The following WDR59 variants were observed in gnomAD, a reference collection of about 807,000 sequenced individuals.
WDR59 encodes the protein GATOR2 complex protein WDR59.
Under a neutral mutation model 131.2 loss-of-function variants are expected in WDR59, and 100 were observed. The observed-to-expected ratio is 0.76, with a 90% CI of 0.65 to 0.90. The LOEUF (loss-of-function observed/expected upper bound fraction) is 0.90, where lower values mean the gene tolerates loss of function less well. Among genes scored for constraint, WDR59 ranks in the 40% least tolerant of loss-of-function variants. WDR59 has a pLI of 0.00. For missense variants in WDR59, 1,203 were observed against 1,262.2 expected, an observed-to-expected ratio of 0.95 and a Z score of 0.71; for synonymous variants, 601 against 466.2, an observed-to-expected ratio of 1.29 and a Z score of -3.72.
chr16:74,950,291 C>T (rs190999190), intron 4 of WDR59, among the ~76,000 whole-genome samples: 92 of 152,310 alleles, frequency 6.0e-4, no homozygotes, highest in African/African-American at 2.2e-3. Context: ...CGTGCCACTG[C>T]ACTCCAGCCT....
intron 15 of WDR59, 71 bp downstream of exon 15, chr16:74,909,751 T>A: frequency 6.4e-7 from 1 of 1,573,682 alleles, no homozygotes; most frequent in Non-Finnish European, 8.6e-7. Context: ...AGAAAACCCA[T>A]GATTTTAGGG....
chr16:74,943,488 C>T (rs968607758), intron 6 of WDR59, among the ~76,000 whole-genome samples: 1 of 152,148 alleles, frequency 6.6e-6, no homozygotes, highest in Non-Finnish European at 1.5e-5. Context: ...GTCATTGATA[C>T]ATTAGTGACA....
At chr16:74,902,856 A>G (rs565540647) in intron 18 of WDR59, among the ~76,000 whole-genome samples, 1 of 152,270 alleles carries the variant, frequency 6.6e-6, no homozygotes, top group South Asian at 2.1e-4. Context: ...GGAGGTCTGT[A>G]CTAGCCAAGT....
chr16:74,934,819 T>C (rs958353018), intron 8 of WDR59, among the ~76,000 whole-genome samples: 5 of 151,794 alleles, frequency 3.3e-5, no homozygotes, highest in Admixed American at 1.3e-4. Flanking sequence ...CATATCTATA[T>C]AGACAAAGAG....
chr16:74,904,033 G>T lies in WDR59; in HGVS notation c.1780C>A (p.Pro594Thr). 1 of 1,613,142 alleles carries T rather than the reference G, an allele frequency of 6.2e-7. No individual in the cohort carries two copies. Among genetic ancestry groups the T allele is most frequent in the Non-Finnish European group, 8.5e-7 (1 of 1,179,764 alleles). The change falls in exon 18 of 26, where the codon CCT becomes ACT. Residue 594 changes from proline (P) to threonine (T), a missense_variant. By Grantham distance (38) the Pro-to-Thr change is conservative (BLOSUM62 -1). Transcript: ENST00000262144. The stretch of plus-strand genomic sequence containing the variant: ...CCACTGTATAAACGAAGGTTCCCAG[G>T]GGCCTCTGTGCGGATCTTCATGGGC... The part of the protein sequence containing the change: ...IAPMKIRTEA[P>T]GNLRLYSGSP...
rs762288713 is a variant in WDR59, at chr16:74,906,313, C to CAAAAAAAAAAAAAAAAAA, written c.1713-2214_1713-2213insTTTTTTTTTTTTTTTTTT. ...TGAGCGACAGAGCAAGACTCCGTCT[C>CAAAAAAAAAAAAAAAAAA]AAAAAAAAAAAAACCCACAGTGAGA... On this transcript the variant is annotated intron_variant, in intron 17 of 25. Coordinates refer to ENST00000262144, the MANE Select transcript of WDR59 (RefSeq NM_030581.4). Among the ~76,000 whole-genome samples the CAAAAAAAAAAAAAAAAAA allele has an allele frequency of 3.3e-3, 108 of 32,438 alleles. 15 individuals are homozygous for CAAAAAAAAAAAAAAAAAA. Among genetic ancestry groups the CAAAAAAAAAAAAAAAAAA allele is most frequent in the East Asian group, 0.011 (5 of 454 alleles). The allele number at this position is 32,438 out of a possible 152,430, so 21.3% of individuals were successfully genotyped here.
intron 1 of WDR59, among the ~76,000 whole-genome samples, chr16:74,967,123 C>T (rs1567439353): frequency 1.3e-5 from 2 of 152,194 alleles, no homozygotes; most frequent in Admixed American, 6.6e-5. Context: ...CCCTCACCCT[C>T]GCTGGCCTTA....
chr16:74,873,964 AC>A lies in WDR59; in HGVS notation c.*244del, dbSNP rs1406311478. 9.8e-6 allele frequency: 5 copies of A among 512,240 alleles called. No homozygotes were observed. The highest frequency in any genetic ancestry group is 1.8e-5 in the Non-Finnish European group (5 of 284,494). The allele number at this position is 512,240 out of a possible 1,614,324, so 31.7% of individuals were successfully genotyped here. A position where few individuals can be genotyped will look rare whatever the true frequency, so the allele number is the denominator to read the frequency against. On this transcript the variant is annotated 3_prime_UTR_variant, in exon 26 of 26. Transcript: ENST00000262144. ...CACCTTGGTAGCTCAGCCGACATAG[AC>A]AACACACAAAGCGCAGCTCTGCACT...
At chr16:74,944,229 G>A (rs1055247573) in intron 6 of WDR59, among the ~76,000 whole-genome samples, 1 of 152,078 alleles carries the variant, frequency 6.6e-6, no homozygotes, top group Non-Finnish European at 1.5e-5. Flanking sequence ...ACTTTGGAAG[G>A]CTGAGACAGG....
chr16:74,916,478 C>A (rs937159259), intron 11 of WDR59, among the ~76,000 whole-genome samples: 13 of 152,102 alleles, frequency 8.5e-5, no homozygotes, highest in African/African-American at 2.9e-4. Flanking sequence ...ATTTTTTCAT[C>A]ATGTTCAGAG....
chr16:74,963,824 G>C (rs545012933), intron 2 of WDR59, among the ~76,000 whole-genome samples: 1 of 151,924 alleles, frequency 6.6e-6, no homozygotes, highest in Non-Finnish European at 1.5e-5. Context: ...TTGAGTCTGG[G>C]ATGTCAAGGC....
At chr16:74,972,018 C>A (rs970234296) in intron 1 of WDR59, among the ~76,000 whole-genome samples, 1 of 152,152 alleles carries the variant, frequency 6.6e-6, no homozygotes, top group African/African-American at 2.4e-5. Flanking sequence ...CAAACTCTTG[C>A]TTTTCCATAC....
At chr16:74,918,331 A>C (rs1966491134) in intron 10 of WDR59, among the ~76,000 whole-genome samples, 2 of 152,252 alleles carry the variant, frequency 1.3e-5, no homozygotes, top group Non-Finnish European at 2.9e-5. Flanking sequence ...TTTGAGCAGA[A>C]ACTTAAATGA....
chr16:74,942,045 G>A (rs2032272432), intron 7 of WDR59, among the ~76,000 whole-genome samples: 1 of 152,062 alleles, frequency 6.6e-6, no homozygotes, highest in African/African-American at 2.4e-5. Flanking sequence ...TAACAGTCTG[G>A]CAGTCAATGC....
Position 74,874,154 on chromosome 16 carries a change from T to G in WDR59, c.*55A>C, listed in dbSNP as rs1283698780. 2.8e-5 allele frequency: 41 copies of G among 1,459,416 alleles called. No individual in the cohort carries two copies. The highest frequency in any genetic ancestry group is 3.7e-5 in the Non-Finnish European group (39 of 1,066,118). 90.4% of individuals were successfully genotyped at this position (1,459,416 alleles called of 1,614,324 possible). On this transcript the variant is annotated 3_prime_UTR_variant, in exon 26 of 26. Coordinates refer to ENST00000262144, the MANE Select transcript of WDR59 (RefSeq NM_030581.4). ...AGCCTCTCCCCTGACAGACAGCTTGTCACCGGCACTTATGGGTCCTCTGGG... is the reference window on the plus strand; with the variant it reads ...AGCCTCTCCCCTGACAGACAGCTTGGCACCGGCACTTATGGGTCCTCTGGG...
At chr16:74,928,582 T>C (rs2031090906) in intron 8 of WDR59, among the ~76,000 whole-genome samples, 2 of 152,060 alleles carry the variant, frequency 1.3e-5, no homozygotes, top group African/African-American at 4.8e-5. Context: ...AAAGAAGTTA[T>C]GCAATTATCC....
chr16:74,965,392 G>C (rs2033729953), intron 2 of WDR59, among the ~76,000 whole-genome samples: 1 of 152,110 alleles, frequency 6.6e-6, no homozygotes, highest in Non-Finnish European at 1.5e-5. Flanking sequence ...ATGTCCAGGG[G>C]CTCACAGTTA....
chr16:74,976,484 C>A (rs2034186296), intron 1 of WDR59, among the ~76,000 whole-genome samples: 1 of 151,224 alleles, frequency 6.6e-6, no homozygotes. Context: ...ACCCTGTCGC[C>A]CAGGCTGGAG....
intron 6 of WDR59, among the ~76,000 whole-genome samples, chr16:74,943,126 G>A (rs1030334443): frequency 6.6e-6 from 1 of 152,150 alleles, no homozygotes; most frequent in Non-Finnish European, 1.5e-5. Flanking sequence ...CAGTAGTTGA[G>A]CATGGCACTG....
Sources: gnomAD v4.1 joint callset for allele counts (sites outside exome capture counted in the v4.1 genomes callset) on GRCh38, gnomAD v4.1.1 for gene constraint, MANE v1.5 for transcripts, NCBI Gene and HGNC (gene_info 2026-07-23, HGNC 2026-07-21) for gene names.